The following GSDMC variants were observed in gnomAD, a reference collection of about 807,000 sequenced individuals.
GSDMC encodes gasdermin C.
Under a neutral mutation model 58.0 loss-of-function variants are expected in GSDMC, and 59 were observed. The observed-to-expected ratio is 1.02, with a 90% CI of 0.82 to 1.26. The LOEUF (loss-of-function observed/expected upper bound fraction) is 1.26, where lower values mean the gene tolerates loss of function less well. Ranked by LOEUF, GSDMC falls within the 50% of genes most tolerant of loss-of-function variation. The probability of loss-of-function intolerance (pLI) is 0.00; values close to 1 mark genes in which losing one functional copy is unlikely to be tolerated. For synonymous variants in GSDMC, 241 were observed against 220.2 expected, an observed-to-expected ratio of 1.09 and a Z score of -0.83; for missense variants, 659 against 598.5, an observed-to-expected ratio of 1.10 and a Z score of -1.06.
At chr8:129,739,556 C>A in the GSDMC span, among the ~76,000 whole-genome samples, 1 of 152,114 alleles carries the variant, frequency 6.6e-6, no homozygotes, top group African/African-American at 2.4e-5. Flanking sequence ...ACACGTATGA[C>A]GGTGGTCCCA....
At chr8:129,709,343 T>G in the GSDMC span, among the ~76,000 whole-genome samples, 1 of 152,172 alleles carries the variant, frequency 6.6e-6, no homozygotes, top group Admixed American at 6.5e-5. Context: ...GCACAAATCC[T>G]GACACATCAG....
chr8:129,721,774 T>A, the GSDMC span, among the ~76,000 whole-genome samples: 2,101 of 152,292 alleles, frequency 0.014, 52 homozygotes, highest in African/African-American at 0.048. Context: ...TGGGTTTACA[T>A]CCTACCAACT....
Position 129,765,759 on chromosome 8 carries a change from C to G in GSDMC, c.439G>C (p.Glu147Gln). Residue 147 changes from glutamate (E) to glutamine (Q), a missense_variant, in exon 4 of 14, where the codon GAG (glutamate) becomes CAG (glutamine). Glu to Gln is a conservative substitution (Grantham distance 29). Transcript: ENST00000276708. ...AGGTTGTCCCCTCTCCTCCGGCACT[C>G]CTTCAGAAATGATGGCTCTGGATCC... is the stretch of plus-strand genomic sequence containing the variant. ...LLDPEPSFLK[E>Q]CRRRGDNLYV... is the part of the protein sequence containing the mutation. 6.2e-7 allele frequency: 1 copy of G among 1,613,974 alleles called. No individual in the cohort carries two copies.
At chr8:129,746,194 C>T (rs1237570531), downstream of GSDMC, among the ~76,000 whole-genome samples, 1 of 151,996 alleles carries the variant, frequency 6.6e-6, no homozygotes, top group Non-Finnish European at 1.5e-5. Flanking sequence ...CAGTTTTATG[C>T]CATGGAAGAA....
intron 3 of GSDMC, among the ~76,000 whole-genome samples, chr8:129,770,684 T>G (rs968058442): frequency 6.6e-6 from 1 of 151,472 alleles, no homozygotes; most frequent in Non-Finnish European, 1.5e-5. Context: ...CCACAAAAAG[T>G]AATCAAATCA....
At chr8:129,732,207 T>C in the GSDMC span, among the ~76,000 whole-genome samples, 1 of 151,934 alleles carries the variant, frequency 6.6e-6, no homozygotes, top group Non-Finnish European at 1.5e-5. Context: ...AAGAAAGCCC[T>C]AGTCGAACAA....
chr8:129,750,288 T>A, intron 11 of GSDMC, 143 bp downstream of exon 11: 1 of 1,048,718 alleles, frequency 9.5e-7, no homozygotes, highest in Non-Finnish European at 1.4e-6. Flanking sequence ...TGGCCCATTG[T>A]GCCCGGCACC....
intron 10 of GSDMC, 137 bp downstream of exon 10, chr8:129,751,405 G>A (rs1586575746): frequency 5.8e-6 from 4 of 693,038 alleles, no homozygotes; most frequent in Non-Finnish European, 7.6e-6. Flanking sequence ...CTCAATAAAT[G>A]TTTGTTTGTT....
Position 129,748,536 on chromosome 8 carries a change from TC to T in GSDMC, c.1491del (p.Thr498LeufsTer56). ...GCCAGCTGCTGCAGCAACGAGAGAG[TC>T]CCATAGAGGGCAGACAGGGGCATCT... ...EAKMPLSALY[G>X]TLSLLQQLAE... On this transcript the variant is annotated frameshift_variant, in exon 14 of 14. Transcript: ENST00000276708. LOFTEE classifies it low-confidence loss of function (END_TRUNC). 5 of 1,612,082 alleles carry T rather than the reference TC, an allele frequency of 3.1e-6. No homozygotes were observed. The highest frequency in any genetic ancestry group is 4.2e-6 in the Non-Finnish European group (5 of 1,179,092).
the GSDMC span, among the ~76,000 whole-genome samples, chr8:129,734,459 CA>C: frequency 6.6e-6 from 1 of 152,208 alleles, no homozygotes; most frequent in East Asian, 1.9e-4. Flanking sequence ...GGAAGTCCAA[CA>C]GACTAACAGC....
the GSDMC span, chr8:129,730,163 T>C: frequency 9.4e-7 from 1 of 1,065,800 alleles, no homozygotes; most frequent in African/African-American, 1.6e-5. Context: ...AAGAGCTGGC[T>C]ATGAAAAAGT....
At chr8:129,728,687 T>C in the GSDMC span, 1 of 370,996 alleles carries the variant, frequency 2.7e-6, no homozygotes, top group Admixed American at 3.9e-5. Context: ...CCAGCCACAC[T>C]GGCTGCACCA....
At chr8:129,770,912 C>G (rs1224007171) in intron 3 of GSDMC, among the ~76,000 whole-genome samples, 4 of 151,680 alleles carry the variant, frequency 2.6e-5, no homozygotes, top group Admixed American at 1.3e-4. Context: ...TAAGGACACA[C>G]AGGCTGAAAG....
chr8:129,783,883 T>A (rs1157676154), intron 1 of GSDMC, among the ~76,000 whole-genome samples: 2 of 152,062 alleles, frequency 1.3e-5, no homozygotes, highest in African/African-American at 2.4e-5. Context: ...GGTACTGGCA[T>A]GAAAACAGAC....
intron 1 of GSDMC, among the ~76,000 whole-genome samples, chr8:129,778,912 T>C (rs529047830): frequency 1.3e-5 from 2 of 151,778 alleles, no homozygotes; most frequent in African/African-American, 4.8e-5. Context: ...CAATGAGATA[T>C]CATCTCACAC....
At chr8:129,765,232 A>G (rs1199221880) in intron 4 of GSDMC, among the ~76,000 whole-genome samples, 1 of 152,192 alleles carries the variant, frequency 6.6e-6, no homozygotes. Context: ...GTTACCTTAG[A>G]GTTTAAAGTA....
downstream of GSDMC, among the ~76,000 whole-genome samples, chr8:129,747,931 T>G (rs1023925646): frequency 7.8e-4 from 117 of 150,364 alleles, 2 homozygotes; most frequent in African/African-American, 2.5e-3. Flanking sequence ...ATATTAATAA[T>G]TGAGGAATAT....
At chr8:129,769,084 AAGGAGAGGAGAGGAGAGGAG>A (rs59634816) in intron 3 of GSDMC, among the ~76,000 whole-genome samples, 2 of 145,606 alleles carry the variant, frequency 1.4e-5, no homozygotes, top group Non-Finnish European at 3.0e-5. Flanking sequence ...TCACAAAGGA[AAGGAGAGGAGAGGAGAGGAG>A]AGGAGAGGAG....
chr8:129,708,104 C>T, the GSDMC span, among the ~76,000 whole-genome samples: 1 of 152,176 alleles, frequency 6.6e-6, no homozygotes, highest in Non-Finnish European at 1.5e-5. Context: ...GCTTCACTGT[C>T]CCGTTGGACT....
Sources: allele counts gnomAD v4.1 joint callset (sites outside exome capture counted in the v4.1 genomes callset), GRCh38; gene constraint gnomAD v4.1.1; transcripts MANE v1.5; gene names NCBI Gene and HGNC (gene_info 2026-07-23, HGNC 2026-07-21).